PPP1R9A: variants seen among roughly 807,000 people sequenced by gnomAD.
PPP1R9A encodes the protein protein phosphatase 1 regulatory subunit 9A, also known as neurabin-1.
PPP1R9A carries 59 observed loss-of-function variants against 141.9 expected under a neutral mutation model. The ratio of observed to expected loss-of-function variants is 0.42; its 90% CI spans 0.34 to 0.52. PPP1R9A has a LOEUF of 0.52. PPP1R9A is among the 20% of genes least tolerant of loss of function. The pLI, the probability that PPP1R9A is intolerant of heterozygous loss-of-function variation, is 0.10. For missense variants in PPP1R9A, 1,444 were observed against 1,611.9 expected (o/e 0.90, Z 1.78); for synonymous variants, 500 against 569.7 (o/e 0.88, Z 1.74).
At chr7:95,208,967 A>AAC (rs1490795115) in intron 7 of PPP1R9A, among the ~76,000 whole-genome samples, 3 of 149,298 alleles carry the variant, frequency 2.0e-5, no homozygotes, top group African/African-American at 4.9e-5. Context: ...AAAAAAAAAA[A>AAC]AAAAAAAAAA....
At chr7:95,195,621 T>C (rs1258808793) in intron 5 of PPP1R9A, among the ~76,000 whole-genome samples, 2 of 151,974 alleles carry the variant, frequency 1.3e-5, no homozygotes, top group African/African-American at 4.8e-5. Context: ...CCTTGAGAGA[T>C]ACAATTTAAA....
chr7:95,093,599 C>T (rs1220548518), intron 2 of PPP1R9A, among the ~76,000 whole-genome samples: 1 of 152,092 alleles, frequency 6.6e-6, no homozygotes, highest in African/African-American at 2.4e-5. Flanking sequence ...AAAATGGAAA[C>T]ATTATAAAAT....
chr7:95,281,222 G>T (rs1804167282), intron 16 of PPP1R9A, among the ~76,000 whole-genome samples: 1 of 152,152 alleles, frequency 6.6e-6, no homozygotes, highest in African/African-American at 2.4e-5. Flanking sequence ...AGAGATACAG[G>T]ATACAACTTC....
At chr7:94,920,467 G>A (rs1380228175) in intron 2 of PPP1R9A, among the ~76,000 whole-genome samples, 1 of 151,984 alleles carries the variant, frequency 6.6e-6, no homozygotes, top group African/African-American at 2.4e-5. Flanking sequence ...GAAGATATCA[G>A]GAAATTTTAT....
intron 12 of PPP1R9A, among the ~76,000 whole-genome samples, chr7:95,261,679 A>G (rs1373747480): frequency 6.6e-6 from 1 of 152,126 alleles, no homozygotes; most frequent in Non-Finnish European, 1.5e-5. Flanking sequence ...TTTATTTACA[A>G]ACTTTATTAC....
intron 8 of PPP1R9A, 101 bp downstream of exon 8, chr7:95,226,217 A>G (rs1795126534): frequency 5.0e-6 from 6 of 1,192,920 alleles, no homozygotes; most frequent in Non-Finnish European, 6.7e-6. Flanking sequence ...TTTGCAAATC[A>G]AAGCTTTTTA....
chr7:94,969,705 T>TGGCA (rs1798644375), intron 2 of PPP1R9A, among the ~76,000 whole-genome samples: 1 of 152,294 alleles, frequency 6.6e-6, no homozygotes, highest in South Asian at 2.1e-4. Context: ...TCTTCAGAGC[T>TGGCA]GGCAGGCAGG....
intron 5 of PPP1R9A, among the ~76,000 whole-genome samples, chr7:95,177,899 C>A (rs753262022): frequency 3.9e-5 from 6 of 152,028 alleles, no homozygotes; most frequent in South Asian, 2.1e-4. Flanking sequence ...TACTGCTAGA[C>A]CTAAGAAATG....
chr7:95,268,329 A>G (rs979041261), intron 12 of PPP1R9A, among the ~76,000 whole-genome samples: 2 of 152,038 alleles, frequency 1.3e-5, no homozygotes, highest in African/African-American at 4.8e-5. Context: ...GGATTTTTAT[A>G]GCGCCTTCAT....
chr7:95,016,323 G>A (rs1315257723), intron 2 of PPP1R9A, among the ~76,000 whole-genome samples: 1 of 152,002 alleles, frequency 6.6e-6, no homozygotes, highest in African/African-American at 2.4e-5. Context: ...TACAGCAACA[G>A]TCTTATGCCA....
intron 2 of PPP1R9A, among the ~76,000 whole-genome samples, chr7:94,996,797 GT>G (rs2151478966): frequency 8.3e-6 from 1 of 119,986 alleles, no homozygotes; most frequent in East Asian, 2.1e-4. Flanking sequence ...CAGATACTCT[GT>G]GTTTTTTTTT....
intron 2 of PPP1R9A, among the ~76,000 whole-genome samples, chr7:94,982,540 C>T (rs950952059): frequency 2.6e-5 from 4 of 152,180 alleles, no homozygotes; most frequent in Non-Finnish European, 4.4e-5. Context: ...GATGGTATCT[C>T]ATTGTGGTTT....
intron 4 of PPP1R9A, among the ~76,000 whole-genome samples, chr7:95,159,134 A>G (rs1050167645): frequency 2.0e-5 from 3 of 152,188 alleles, no homozygotes; most frequent in Admixed American, 2.0e-4. Flanking sequence ...GGAAAACAAC[A>G]CAATTGTCCA....
chr7:95,027,006 T>C (rs1806948876), intron 2 of PPP1R9A, among the ~76,000 whole-genome samples: 1 of 152,176 alleles, frequency 6.6e-6, no homozygotes, highest in Non-Finnish European at 1.5e-5. Flanking sequence ...CCAGTGGATC[T>C]TAGCTTGCTG....
intron 16 of PPP1R9A, among the ~76,000 whole-genome samples, chr7:95,280,901 T>A (rs927157579): frequency 6.6e-6 from 1 of 152,160 alleles, no homozygotes; most frequent in Non-Finnish European, 1.5e-5. Context: ...AATGGATTTC[T>A]CCACAAAGTG....
At chr7:94,952,079 A>G (rs1355971185) in intron 2 of PPP1R9A, among the ~76,000 whole-genome samples, 3 of 151,898 alleles carry the variant, frequency 2.0e-5, no homozygotes. Context: ...CCTACATTAG[A>G]TATTTCTTCT....
intron 2 of PPP1R9A, among the ~76,000 whole-genome samples, chr7:94,934,892 G>T (rs1563013579): frequency 6.6e-6 from 1 of 151,838 alleles, no homozygotes; most frequent in Non-Finnish European, 1.5e-5. Context: ...GTGTTGCCCA[G>T]GCTGGAGTAC....
chr7:95,095,363 C>G (rs980684180), intron 2 of PPP1R9A, among the ~76,000 whole-genome samples: 1 of 152,166 alleles, frequency 6.6e-6, no homozygotes, highest in African/African-American at 2.4e-5. Flanking sequence ...TAGTGTGATT[C>G]AAGGTCAGTG....
intron 4 of PPP1R9A, among the ~76,000 whole-genome samples, chr7:95,141,987 C>T (rs959107751): frequency 7.2e-5 from 11 of 152,022 alleles, no homozygotes; most frequent in African/African-American, 2.4e-4. Flanking sequence ...TACCTATTCA[C>T]GAGCAATGTA....
Sources: gnomAD v4.1 joint callset for allele counts (sites outside exome capture counted in the v4.1 genomes callset) on GRCh38, gnomAD v4.1.1 for gene constraint, MANE v1.5 for transcripts, NCBI Gene and HGNC (gene_info 2026-07-23, HGNC 2026-07-21) for gene names.